The following MSRA variants were observed in gnomAD, a reference collection of about 807,000 sequenced individuals.
The protein encoded by MSRA is mitochondrial peptide methionine sulfoxide reductase.
MSRA carries 54 observed loss-of-function variants against 31.3 expected under a neutral mutation model. That is an observed-to-expected ratio of 1.73 (90% CI 1.39 to 2.17). The LOEUF (loss-of-function observed/expected upper bound fraction) is 2.17, where lower values mean the gene tolerates loss of function less well. Among genes scored for constraint, MSRA ranks in the 30% most tolerant of loss-of-function variants. The pLI is 0.00. For synonymous variants in MSRA, 169 were observed against 116.5 expected, an observed-to-expected ratio of 1.45 and a Z score of -2.90; for missense variants, 507 against 300.9, an observed-to-expected ratio of 1.69 and a Z score of -5.07.
intron 1 of MSRA, among the ~76,000 whole-genome samples, chr8:10,100,048 G>C (rs1170237346): frequency 6.6e-6 from 1 of 152,190 alleles, no homozygotes; most frequent in Admixed American, 6.5e-5. Flanking sequence ...GCGCTGCCCA[G>C]CAAGCAGCTT....
At chr8:10,110,871 C>G (rs1431592765) in intron 1 of MSRA, among the ~76,000 whole-genome samples, 1 of 152,190 alleles carries the variant, frequency 6.6e-6, no homozygotes, top group Non-Finnish European at 1.5e-5. Context: ...AAAAATGACC[C>G]TTCTGTATTC....
At chr8:10,191,616 G>A (rs183147713) in intron 1 of MSRA, among the ~76,000 whole-genome samples, 3 of 152,254 alleles carry the variant, frequency 2.0e-5, no homozygotes, top group Admixed American at 1.3e-4. Context: ...GCCAGCACAC[G>A]AGGGAACAAA....
intron 2 of MSRA, among the ~76,000 whole-genome samples, chr8:10,213,917 A>C (rs1809748731): frequency 6.6e-6 from 1 of 152,102 alleles, no homozygotes; most frequent in African/African-American, 2.4e-5. Flanking sequence ...TTTTGGTGAA[A>C]GGTAAGATTC....
chr8:10,162,028 C>T (rs1240946514), intron 1 of MSRA, among the ~76,000 whole-genome samples: 1 of 152,212 alleles, frequency 6.6e-6, no homozygotes, highest in Non-Finnish European at 1.5e-5. Context: ...CCCCTCGCTT[C>T]CCTCATGTCC....
At chr8:10,285,511 C>T (rs777805240) in intron 3 of MSRA, among the ~76,000 whole-genome samples, 11 of 152,118 alleles carry the variant, frequency 7.2e-5, no homozygotes, top group Non-Finnish European at 1.6e-4. Flanking sequence ...TCAAAAGCTG[C>T]TCTTCTAGCT....
intron 1 of MSRA, among the ~76,000 whole-genome samples, chr8:10,079,227 TG>T (rs1267491447): frequency 6.6e-6 from 1 of 152,140 alleles, no homozygotes; most frequent in Non-Finnish European, 1.5e-5. Flanking sequence ...GGCAGGATCT[TG>T]GCTTACTGCA....
chr8:10,422,116 C>G (rs4607615), intron 5 of MSRA, among the ~76,000 whole-genome samples: 37,761 of 152,080 alleles, frequency 0.25, 5,857 homozygotes, highest in East Asian at 0.77. Flanking sequence ...GACACTGTCT[C>G]TATAAAAAAA....
intron 5 of MSRA, among the ~76,000 whole-genome samples, chr8:10,326,822 T>C (rs370149068): frequency 1.3e-5 from 2 of 152,214 alleles, no homozygotes; most frequent in African/African-American, 2.4e-5. Flanking sequence ...AGTGAGCCCA[T>C]CATGAGAAAC....
At chr8:10,391,662 A>C (rs1806755990) in intron 5 of MSRA, among the ~76,000 whole-genome samples, 1 of 152,186 alleles carries the variant, frequency 6.6e-6, no homozygotes, top group African/African-American at 2.4e-5. Context: ...CCTGAGGCTG[A>C]GCGTGGGCTA....
chr8:10,054,841 A>G (rs1489677019), intron 1 of MSRA, among the ~76,000 whole-genome samples, 183 bp downstream of exon 1: 2 of 152,124 alleles, frequency 1.3e-5, no homozygotes, highest in Non-Finnish European at 2.9e-5. Flanking sequence ...GGGTCCACTG[A>G]CGTCCCTTTG....
intron 1 of MSRA, among the ~76,000 whole-genome samples, chr8:10,066,537 G>C (rs1434663324): frequency 1.3e-5 from 2 of 151,908 alleles, no homozygotes; most frequent in Non-Finnish European, 2.9e-5. Context: ...TGATATATCT[G>C]TTTTTCTTTT....
chr8:10,243,026 C>T (rs1324549784), intron 2 of MSRA, among the ~76,000 whole-genome samples: 4 of 152,166 alleles, frequency 2.6e-5, no homozygotes, highest in Non-Finnish European at 5.9e-5. Context: ...TATCTCTCTA[C>T]TTGCAGCTAA....
chr8:10,196,338 G>C (rs1807985414), intron 1 of MSRA, among the ~76,000 whole-genome samples: 1 of 152,054 alleles, frequency 6.6e-6, no homozygotes, highest in African/African-American at 2.4e-5. Flanking sequence ...AGTATGACTT[G>C]GGTGATAGGA....
At chr8:10,294,906 G>T (rs959392605) in intron 3 of MSRA, among the ~76,000 whole-genome samples, 4 of 152,138 alleles carry the variant, frequency 2.6e-5, no homozygotes, top group African/African-American at 9.7e-5. Flanking sequence ...GGTCTTGCTT[G>T]TGGGCCTCAT....
intron 1 of MSRA, among the ~76,000 whole-genome samples, chr8:10,129,810 G>T (rs1292043440): frequency 1.3e-5 from 2 of 151,996 alleles, no homozygotes; most frequent in Non-Finnish European, 2.9e-5. Context: ...TTATACTTGT[G>T]CAAACTCTGT....
At chr8:10,181,771 G>C (rs1478927701) in intron 1 of MSRA, among the ~76,000 whole-genome samples, 1 of 152,144 alleles carries the variant, frequency 6.6e-6, no homozygotes, top group African/African-American at 2.4e-5. Flanking sequence ...GGTCAAGCTG[G>C]TGGGACTTCC....
chr8:10,314,505 A>G (rs981952214), intron 4 of MSRA, among the ~76,000 whole-genome samples: 1 of 152,232 alleles, frequency 6.6e-6, no homozygotes, highest in Admixed American at 6.5e-5. Flanking sequence ...AGCAGACTTT[A>G]ATGAATTGGC....
At chr8:10,169,023 A>T (rs968390204) in intron 1 of MSRA, among the ~76,000 whole-genome samples, 1 of 152,194 alleles carries the variant, frequency 6.6e-6, no homozygotes, top group Non-Finnish European at 1.5e-5. Context: ...TGTTATAAGT[A>T]CTTTTGCATT....
intron 3 of MSRA, among the ~76,000 whole-genome samples, chr8:10,298,234 G>A (rs1480449627): frequency 1.3e-5 from 2 of 152,174 alleles, no homozygotes; most frequent in South Asian, 2.1e-4. Context: ...CCACATGTTC[G>A]TTGATGGATG....
Sources: allele counts gnomAD v4.1 joint callset (sites outside exome capture counted in the v4.1 genomes callset), GRCh38; gene constraint gnomAD v4.1.1; transcripts MANE v1.5; gene names NCBI Gene and HGNC (gene_info 2026-07-23, HGNC 2026-07-21).